RANBP17: variants seen among roughly 807,000 people sequenced by gnomAD.
The protein encoded by RANBP17 is ran-binding protein 17.
A neutral mutation model predicts 141.2 loss-of-function variants in RANBP17; 158 were observed. That is an observed-to-expected ratio of 1.12 (90% CI 0.98 to 1.28). RANBP17 has a LOEUF of 1.28. RANBP17 is among the 50% of genes most tolerant of loss of function. RANBP17 has a pLI of 0.00. For synonymous variants in RANBP17, 430 were observed against 450.0 expected, an observed-to-expected ratio of 0.96 and a Z score of 0.56; for missense variants, 1,438 against 1,290.7, an observed-to-expected ratio of 1.11 and a Z score of -1.75.
intron 20 of RANBP17, among the ~76,000 whole-genome samples, chr5:171,209,569 C>G (rs1176836968): frequency 6.6e-6 from 1 of 152,124 alleles, no homozygotes; most frequent in East Asian, 1.9e-4. Context: ...GAAGCCCACT[C>G]TCTAGTTGAT....
At chr5:170,989,808 A>G (rs576724233) in intron 14 of RANBP17, among the ~76,000 whole-genome samples, 1 of 151,844 alleles carries the variant, frequency 6.6e-6, no homozygotes, top group East Asian at 1.9e-4. Context: ...TTACTGAAAA[A>G]TATATATGAC....
intron 14 of RANBP17, among the ~76,000 whole-genome samples, chr5:171,066,547 C>T (rs1313110176): frequency 6.6e-6 from 1 of 152,166 alleles, no homozygotes; most frequent in Non-Finnish European, 1.5e-5. Flanking sequence ...GTATATACCA[C>T]ATTTTCTTTA....
chr5:170,932,662 A>G (rs1450340369), intron 12 of RANBP17, among the ~76,000 whole-genome samples: 4 of 152,088 alleles, frequency 2.6e-5, no homozygotes, highest in African/African-American at 9.7e-5. Context: ...ATCTATTGAG[A>G]TAATCATGTG....
intron 24 of RANBP17, chr5:171,252,210 A>G: frequency 1.3e-6 from 2 of 1,577,986 alleles, no homozygotes; most frequent in Non-Finnish European, 1.7e-6. Flanking sequence ...ATTACCTACT[A>G]AATACAATTG....
intron 22 of RANBP17, among the ~76,000 whole-genome samples, chr5:171,222,451 A>G (rs557804515): frequency 6.6e-6 from 1 of 152,316 alleles, no homozygotes; most frequent in African/African-American, 2.4e-5. Context: ...TGGAGATGGG[A>G]TGGATAAAAA....
intron 26 of RANBP17, among the ~76,000 whole-genome samples, chr5:171,295,335 T>C (rs772407261): frequency 2.0e-5 from 3 of 151,970 alleles, no homozygotes; most frequent in Non-Finnish European, 2.9e-5. Flanking sequence ...CTCCCCAAAC[T>C]AAAGCACGCC....
rs571874312 is a variant in RANBP17, at chr5:170,873,912, T to C, written c.19-4185T>C. 2.0e-5 allele frequency among the ~76,000 whole-genome samples: 3 copies of C among 152,338 alleles called. No individual in the cohort carries two copies. The East Asian group carries it at 5.8e-4, about 29-fold the overall frequency. On this transcript the variant is annotated intron_variant, in intron 1 of 27. Coordinates refer to ENST00000523189, the MANE Select transcript of RANBP17 (RefSeq NM_022897.5). ...TTTTGGATTTCTTTGCTCTTGCTTC[T>C]CTAGTACATTTAGTTGTGATGTTAG...
intron 22 of RANBP17, among the ~76,000 whole-genome samples, chr5:171,224,010 A>T (rs1581062569): frequency 6.6e-6 from 1 of 152,334 alleles, no homozygotes; most frequent in East Asian, 1.9e-4. Context: ...AGGCTAATTG[A>T]GCTATTCTGG....
chr5:171,273,153 C>T (rs994169509), intron 25 of RANBP17, among the ~76,000 whole-genome samples: 5 of 152,198 alleles, frequency 3.3e-5, no homozygotes, highest in Non-Finnish European at 7.3e-5. Context: ...ATGTGCTTTG[C>T]ATCTCTCTCC....
At chr5:171,011,051 T>C (rs1780001537) in intron 14 of RANBP17, among the ~76,000 whole-genome samples, 1 of 152,134 alleles carries the variant, frequency 6.6e-6, no homozygotes, top group South Asian at 2.1e-4. Flanking sequence ...TCCCAGTTTC[T>C]TTTATGAGTC....
At chr5:170,958,383 C>A (rs1000962777) in intron 13 of RANBP17, among the ~76,000 whole-genome samples, 1 of 152,042 alleles carries the variant, frequency 6.6e-6, no homozygotes, top group East Asian at 1.9e-4. Flanking sequence ...TTTTCTGGGG[C>A]TACAAGACAA....
chr5:171,010,728 T>G (rs1779977227), intron 14 of RANBP17, among the ~76,000 whole-genome samples: 1 of 152,120 alleles, frequency 6.6e-6, no homozygotes, highest in East Asian at 1.9e-4. Context: ...GGTACATCAG[T>G]ATAGATCCTA....
At chr5:170,970,874 C>G (rs1421774996) in intron 14 of RANBP17, among the ~76,000 whole-genome samples, 3 of 152,162 alleles carry the variant, frequency 2.0e-5, no homozygotes, top group Non-Finnish European at 4.4e-5. Context: ...TTTGTAATTA[C>G]TTGTTAGTGA....
intron 25 of RANBP17, among the ~76,000 whole-genome samples, chr5:171,282,959 A>T (rs1283679969): frequency 2.0e-5 from 3 of 151,964 alleles, no homozygotes; most frequent in African/African-American, 7.3e-5. Context: ...AATCACCCTC[A>T]TCTGCCACCA....
intron 12 of RANBP17, among the ~76,000 whole-genome samples, chr5:170,944,937 C>G (rs1252550168): frequency 6.6e-6 from 1 of 152,184 alleles, no homozygotes; most frequent in Non-Finnish European, 1.5e-5. Context: ...GCTCATCATA[C>G]TGCATTGCAA....
At chr5:171,228,932 G>GA (rs1052734862) in intron 22 of RANBP17, among the ~76,000 whole-genome samples, 84 of 147,768 alleles carry the variant, frequency 5.7e-4, no homozygotes, top group East Asian at 2.1e-3. Context: ...TGAGAAACCA[G>GA]AAAAAAAAAA....
chr5:170,964,946 A>C (rs951558211), intron 13 of RANBP17, among the ~76,000 whole-genome samples: 1 of 152,102 alleles, frequency 6.6e-6, no homozygotes, highest in African/African-American at 2.4e-5. Flanking sequence ...TGGTATTTCT[A>C]GTTCTAGATC....
intron 22 of RANBP17, among the ~76,000 whole-genome samples, chr5:171,234,170 C>G (rs979443963): frequency 6.6e-6 from 1 of 152,114 alleles, no homozygotes; most frequent in Non-Finnish European, 1.5e-5. Flanking sequence ...GTAAAGACTT[C>G]CAGTAAATGA....
At chr5:171,202,582 A>G (rs1762356413) in intron 19 of RANBP17, among the ~76,000 whole-genome samples, 1 of 152,172 alleles carries the variant, frequency 6.6e-6, no homozygotes, top group African/African-American at 2.4e-5. Flanking sequence ...TTTTGCTTTG[A>G]TCCCTGTAGC....
Sources: allele counts gnomAD v4.1 joint callset (sites outside exome capture counted in the v4.1 genomes callset), GRCh38; gene constraint gnomAD v4.1.1; transcripts MANE v1.5; gene names NCBI Gene and HGNC (gene_info 2026-07-23, HGNC 2026-07-21).